Variants in RNF220 observed in about 807,000 individuals in gnomAD.
The protein encoded by RNF220 is ring finger protein 220, also known as E3 ubiquitin-protein ligase RNF220.
A neutral mutation model predicts 67.1 loss-of-function variants in RNF220; 7 were observed. The ratio of observed to expected loss-of-function variants is 0.10; its 90% CI spans 0.06 to 0.20. The LOEUF (loss-of-function observed/expected upper bound fraction) is 0.20, where lower values mean the gene tolerates loss of function less well. Ranked by LOEUF, RNF220 falls within the 10% of genes least tolerant of loss-of-function variation. The pLI is 1.00. For missense variants in RNF220, 565 were observed against 740.3 expected (o/e 0.76, Z 2.75); for synonymous variants, 270 against 283.2 (o/e 0.95, Z 0.47).
intron 2 of RNF220, among the ~76,000 whole-genome samples, chr1:44,535,023 C>T (rs931522918): frequency 3.9e-5 from 6 of 151,988 alleles, no homozygotes; most frequent in African/African-American, 9.7e-5. Flanking sequence ...TGCTAATCTC[C>T]GTAGGAGGAG....
At chr1:44,461,988 T>G (rs1653821987) in intron 2 of RNF220, among the ~76,000 whole-genome samples, 1 of 147,338 alleles carries the variant, frequency 6.8e-6, no homozygotes, top group South Asian at 2.2e-4. Flanking sequence ...AGTGCAGTGG[T>G]GCCATCTTGG....
chr1:44,509,528 CAACAGTGTGAGACTCTGTCTCAAAAA>C (rs1484275518), intron 2 of RNF220, among the ~76,000 whole-genome samples: 1 of 134,002 alleles, frequency 7.5e-6, no homozygotes, highest in Non-Finnish European at 1.6e-5. Context: ...CCAGCCTGGG[CAACAGTGTGAGACTCTGTCTCAAAAA>C]AAAAAAAAAA....
chr1:44,648,880 T>G (rs1299518184), intron 12 of RNF220: 1 of 152,348 alleles, frequency 6.6e-6, no homozygotes, highest in Non-Finnish European at 1.5e-5. Flanking sequence ...AACTTTACAC[T>G]GCTGTGGTGG....
At chr1:44,589,486 C>T (rs531450142) in intron 2 of RNF220, among the ~76,000 whole-genome samples, 75 of 152,010 alleles carry the variant, frequency 4.9e-4, no homozygotes, top group Admixed American at 1.6e-3. Context: ...TGGTGACGGG[C>T]GCCTGTAGTC....
At chr1:44,632,284 G>A in intron 5 of RNF220, 59 bp from the exon 6 acceptor site, 1 of 1,613,776 alleles carries the variant, frequency 6.2e-7, no homozygotes, top group Non-Finnish European at 8.5e-7. Flanking sequence ...GGCCAGGACT[G>A]CAGGCCGCGC....
chr1:44,498,547 C>T (rs1032202446), intron 2 of RNF220, among the ~76,000 whole-genome samples: 3 of 152,142 alleles, frequency 2.0e-5, no homozygotes, highest in Non-Finnish European at 2.9e-5. Flanking sequence ...GATTCTGGAG[C>T]GCAGGCTCAC....
rs527825984 is a variant in RNF220, at chr1:44,411,252, A to G, written c.-117-729A>G. Among the ~76,000 whole-genome samples the G allele has an allele frequency of 2.6e-5, 4 of 152,328 alleles. No homozygotes were observed. In the East Asian group the frequency reaches 5.8e-4, roughly 22 times the overall value. ...GTCAGAGACGCCAGGCATTTTATTG[A>G]TGAAGGTTTTGTTCCTTCTCAGAAA... On this transcript the variant is annotated intron_variant, in intron 1 of 14. Transcript: ENST00000361799.
At chr1:44,589,034 A>G (rs1665916354) in intron 2 of RNF220, among the ~76,000 whole-genome samples, 1 of 152,222 alleles carries the variant, frequency 6.6e-6, no homozygotes, top group East Asian at 1.9e-4. Flanking sequence ...CCCTGGCTCC[A>G]GGGCATGCCC....
chr1:44,514,278 A>C (rs1659277740), intron 2 of RNF220, among the ~76,000 whole-genome samples: 1 of 152,214 alleles, frequency 6.6e-6, no homozygotes, highest in Non-Finnish European at 1.5e-5. Flanking sequence ...TAATGGAATT[A>C]TGGAGGGACA....
At chr1:44,614,111 T>G in intron 2 of RNF220, 54 bp from the exon 3 acceptor site, 1 of 1,606,034 alleles carries the variant, frequency 6.2e-7, no homozygotes, top group Non-Finnish European at 8.5e-7. Flanking sequence ...ATGCTGGGTC[T>G]GCCTCCTGGA....
chr1:44,483,075 T>C (rs563325704), intron 2 of RNF220, among the ~76,000 whole-genome samples: 2 of 151,978 alleles, frequency 1.3e-5, no homozygotes, highest in East Asian at 3.9e-4. Context: ...GAATTACAGG[T>C]GCACACCATC....
intron 2 of RNF220, among the ~76,000 whole-genome samples, chr1:44,429,484 C>T (rs967792133): frequency 1.3e-5 from 2 of 152,002 alleles, no homozygotes; most frequent in Admixed American, 6.6e-5. Context: ...CAGAGGAAAT[C>T]GTAAGGGACA....
chr1:44,435,547 G>A (rs1382529653), intron 2 of RNF220, among the ~76,000 whole-genome samples: 1 of 152,164 alleles, frequency 6.6e-6, no homozygotes, highest in South Asian at 2.1e-4. Flanking sequence ...GGGATAAAGA[G>A]GAACACTTGG....
intron 2 of RNF220, among the ~76,000 whole-genome samples, chr1:44,550,655 C>T (rs1427278062): frequency 1.3e-5 from 2 of 152,142 alleles, no homozygotes; most frequent in East Asian, 3.8e-4. Context: ...TCAGGACTTG[C>T]CCCACATTCA....
intron 5 of RNF220, chr1:44,632,120 GCCACGGGGTC>G: frequency 6.7e-7 from 1 of 1,499,878 alleles, no homozygotes; most frequent in Non-Finnish European, 9.0e-7. Context: ...CCGCGCAGCG[GCCACGGGGTC>G]CCGTTAGAGC....
At chr1:44,640,509 A>T (rs1644456214) in intron 8 of RNF220, among the ~76,000 whole-genome samples, 1 of 152,258 alleles carries the variant, frequency 6.6e-6, no homozygotes, top group Admixed American at 6.5e-5. Flanking sequence ...GCTAGGACAG[A>T]GGGAGTGCAG....
intron 2 of RNF220, among the ~76,000 whole-genome samples, chr1:44,518,686 C>T (rs1659656224): frequency 2.6e-5 from 4 of 152,072 alleles, no homozygotes; most frequent in Admixed American, 2.6e-4. Flanking sequence ...ACCATCCTGG[C>T]TAACACAGTG....
chr1:44,612,635 TAAA>T (rs1370671663), intron 2 of RNF220, among the ~76,000 whole-genome samples: 1 of 152,092 alleles, frequency 6.6e-6, no homozygotes, highest in Non-Finnish European at 1.5e-5. Flanking sequence ...ATTTAGCATA[TAAA>T]AATATGGGAC....
At chr1:44,472,310 A>G (rs1358829676) in intron 2 of RNF220, among the ~76,000 whole-genome samples, 1 of 151,904 alleles carries the variant, frequency 6.6e-6, no homozygotes. Flanking sequence ...TTCGATAGCC[A>G]CTGCACCATT....
Sources: gnomAD v4.1 joint callset for allele counts (sites outside exome capture counted in the v4.1 genomes callset) on GRCh38, gnomAD v4.1.1 for gene constraint, MANE v1.5 for transcripts, NCBI Gene and HGNC (gene_info 2026-07-23, HGNC 2026-07-21) for gene names.